The following SLC9A2 variants were observed in gnomAD, a reference collection of about 807,000 sequenced individuals.
SLC9A2 encodes sodium/hydrogen exchanger 2.
SLC9A2 carries 42 observed loss-of-function variants against 71.7 expected under a neutral mutation model. The ratio of observed to expected loss-of-function variants is 0.59; its 90% CI spans 0.46 to 0.76. The LOEUF (loss-of-function observed/expected upper bound fraction) is 0.76, where lower values mean the gene tolerates loss of function less well. SLC9A2 is among the 30% of genes least tolerant of loss of function. SLC9A2 has a pLI of 0.00. For synonymous variants in SLC9A2, 396 were observed against 392.5 expected (o/e 1.01, Z -0.10); for missense variants, 829 against 1,017.4 (o/e 0.81, Z 2.52).
In SLC9A2 at chr2:102,667,302, C is replaced by A. The variant is rs866779471; in HGVS notation, c.1004+1952C>A. ...TAGGTCTCTAAAAAGAGTGTGGGGG[C>A]GGGACTTAGTATCTAGTTTCCAGCA... On this transcript the variant is annotated intron_variant, in intron 3 of 11. Coordinates refer to ENST00000233969, the MANE Select transcript of SLC9A2 (RefSeq NM_003048.6). Among the ~76,000 whole-genome samples the A allele has an allele frequency of 9.2e-5, 14 of 151,988 alleles. No homozygotes were observed. The Middle Eastern group carries it at 0.01, about 111-fold the overall frequency.
chr2:102,632,094 ATATATATACATATATATG>A (rs1207790693), intron 1 of SLC9A2, among the ~76,000 whole-genome samples: 22 of 132,326 alleles, frequency 1.7e-4, no homozygotes, highest in Admixed American at 1.1e-3. Flanking sequence ...ATATATACAC[ATATATATACATATATATG>A]TATATATACA....
chr2:102,707,063 G>A (rs1337838045), intron 11 of SLC9A2, among the ~76,000 whole-genome samples: 1 of 152,050 alleles, frequency 6.6e-6, no homozygotes, highest in Non-Finnish European at 1.5e-5. Context: ...AGGACACAAA[G>A]GCGGGAAAAA....
At chr2:102,684,481 T>C in intron 5 of SLC9A2, 145 bp downstream of exon 5, 1 of 778,820 alleles carries the variant, frequency 1.3e-6, no homozygotes. Flanking sequence ...TCTGGGTTCA[T>C]GTCACTAGAT....
At chr2:102,669,871 T>C (rs1677211686) in intron 3 of SLC9A2, among the ~76,000 whole-genome samples, 1 of 152,060 alleles carries the variant, frequency 6.6e-6, no homozygotes, top group South Asian at 2.1e-4. Context: ...CCTTCTACCC[T>C]ACACAGTCCC....
intron 3 of SLC9A2, among the ~76,000 whole-genome samples, chr2:102,678,556 ACGTGAGGCTGTGGACTCCGGT>A (rs1248971450): frequency 1.3e-5 from 2 of 152,198 alleles, no homozygotes; most frequent in African/African-American, 4.8e-5. Flanking sequence ...CAGAATGAGG[ACGTGAGGCTGTGGACTCCGGT>A]CATGAAATCC....
intron 10 of SLC9A2, among the ~76,000 whole-genome samples, chr2:102,705,273 A>C (rs1220028102): frequency 6.6e-6 from 1 of 152,174 alleles, no homozygotes; most frequent in East Asian, 1.9e-4. Context: ...GCTTATTTTT[A>C]ATAATATCCT....
chr2:102,692,114 A>G (rs754359914), intron 5 of SLC9A2, among the ~76,000 whole-genome samples: 1 of 152,240 alleles, frequency 6.6e-6, no homozygotes, highest in Admixed American at 6.5e-5. Flanking sequence ...TTTCATTTAC[A>G]TAAGTTAGAA....
intron 1 of SLC9A2, among the ~76,000 whole-genome samples, chr2:102,647,088 A>G (rs1676741138): frequency 6.6e-6 from 1 of 152,176 alleles, no homozygotes; most frequent in South Asian, 2.1e-4. Context: ...CAAATGCAAA[A>G]GAATGGAAAT....
rs373854518 is a variant in SLC9A2 at position 102,668,285 on chromosome 2, C to T, written c.1004+2935C>T. On this transcript the variant is annotated intron_variant, in intron 3 of 11. Transcript: ENST00000233969. Reference sequence around the variant, plus strand: ...AGAAGTTATACCCTCTTTTCTAATGCGGGGTAATCAGTATGCCATTCAAAA... The same window carrying T: ...AGAAGTTATACCCTCTTTTCTAATGTGGGGTAATCAGTATGCCATTCAAAA... Among the ~76,000 whole-genome samples the T allele has an allele frequency of 5.3e-5, 8 of 152,202 alleles. No homozygotes were observed. In the East Asian group the frequency reaches 1.4e-3, roughly 26 times the overall value.
rs75782826 is a variant in SLC9A2, at chr2:102,635,136, C to A, written c.289+14999C>A. ...GTAATTATTGCTATTTTAGAAATGT[C>A]AACCCACGCTTTTCATCACCAGTAT... is the stretch of plus-strand genomic sequence containing the variant. On this transcript the variant is annotated intron_variant, in intron 1 of 11. Coordinates refer to ENST00000233969, the MANE Select transcript of SLC9A2 (RefSeq NM_003048.6). Among the ~76,000 whole-genome samples the A allele has an allele frequency of 6.1e-3, 931 of 152,316 alleles. 12 individuals carry two copies. Among genetic ancestry groups the A allele is most frequent in the African/African-American group, 0.021 (892 of 41,560 alleles).
At chr2:102,660,599 G>A (rs966308485) in intron 2 of SLC9A2, among the ~76,000 whole-genome samples, 1 of 152,166 alleles carries the variant, frequency 6.6e-6, no homozygotes, top group Non-Finnish European at 1.5e-5. Context: ...AAGAATAGAG[G>A]TGGAGATGTT....
intron 2 of SLC9A2, among the ~76,000 whole-genome samples, chr2:102,660,501 A>C (rs1007442937): frequency 6.6e-6 from 1 of 152,256 alleles, no homozygotes; most frequent in Non-Finnish European, 1.5e-5. Context: ...GAATTGTCTG[A>C]GTACTGTACT....
intron 1 of SLC9A2, among the ~76,000 whole-genome samples, chr2:102,639,802 T>C (rs1676538539): frequency 6.6e-6 from 1 of 152,202 alleles, no homozygotes; most frequent in East Asian, 1.9e-4. Flanking sequence ...AATCATACAG[T>C]ATTTGTTCTT....
chr2:102,639,946 T>G (rs147818813), intron 1 of SLC9A2, among the ~76,000 whole-genome samples: 1 of 152,160 alleles, frequency 6.6e-6, no homozygotes, highest in African/African-American at 2.4e-5. Context: ...TATAGACCAG[T>G]GGCTGTTCAT....
At chr2:102,664,166 C>T (rs1677094010) in intron 2 of SLC9A2, among the ~76,000 whole-genome samples, 1 of 151,462 alleles carries the variant, frequency 6.6e-6, no homozygotes, top group African/African-American at 2.4e-5. Flanking sequence ...ATCTCAGCTA[C>T]TTGGGAGGCT....
chr2:102,702,224 G>A (rs933872548), intron 8 of SLC9A2, among the ~76,000 whole-genome samples, 182 bp from the exon 9 acceptor site: 1 of 152,128 alleles, frequency 6.6e-6, no homozygotes, highest in African/African-American at 2.4e-5. Flanking sequence ...AACTTGCCAT[G>A]AATGATTTTG....
intron 1 of SLC9A2, among the ~76,000 whole-genome samples, chr2:102,628,664 G>C (rs1676299865): frequency 6.6e-6 from 1 of 151,924 alleles, no homozygotes; most frequent in African/African-American, 2.4e-5. Flanking sequence ...TCAATAATTA[G>C]TTAGAATTTT....
rs186942184 is a variant in SLC9A2, at chr2:102,699,772, C to T, written c.1587-1298C>T. Among the ~76,000 whole-genome samples the T allele has an allele frequency of 8.2e-3, 1,246 of 152,216 alleles. 14 individuals are homozygous for T. The highest frequency in any genetic ancestry group is 0.032 in the Admixed American group (490 of 15,284). On this transcript the variant is annotated intron_variant, in intron 7 of 11. Transcript: ENST00000233969. ...CAGACAGCAAGGTGTCAGCAGGGCT[C>T]ATTTCTTCTGAGGGCCACGAGGGAA...
chr2:102,665,502 C>CA, intron 3 of SLC9A2, 152 bp downstream of exon 3: 1 of 788,248 alleles, frequency 1.3e-6, no homozygotes, highest in Non-Finnish European at 1.9e-6. Flanking sequence ...CGGACGGGCA[C>CA]AGTGGCTCAC....
Sources: gnomAD v4.1 joint callset for allele counts (sites outside exome capture counted in the v4.1 genomes callset) on GRCh38, gnomAD v4.1.1 for gene constraint, MANE v1.5 for transcripts, NCBI Gene and HGNC (gene_info 2026-07-23, HGNC 2026-07-21) for gene names.